F8: variants seen among roughly 807,000 people sequenced by gnomAD.
The protein encoded by F8 is antihemophilic factor.
A neutral mutation model predicts 140.6 loss-of-function variants in F8; 12 were observed. The ratio of observed to expected loss-of-function variants is 0.09; its 90% CI spans 0.05 to 0.14. The LOEUF (loss-of-function observed/expected upper bound fraction) is 0.14, where lower values mean the gene tolerates loss of function less well. Ranked by LOEUF, F8 falls within the 10% of genes least tolerant of loss-of-function variation. The pLI, the probability that F8 is intolerant of heterozygous loss-of-function variation, is 1.00. For synonymous variants in F8, 585 were observed against 614.6 expected (o/e 0.95, Z 0.71); for missense variants, 1,354 against 1,720.7 (o/e 0.79, Z 3.77).
At chrX:154,985,398 T>A (rs782760970) in intron 5 of F8, among the ~76,000 whole-genome samples, 2 of 110,013 alleles carry the variant, frequency 1.8e-5, no homozygotes, top group Non-Finnish European at 3.8e-5. Flanking sequence ...ATTGTGCCAC[T>A]GCACTCCAAC....
chrX:154,940,018 T>C (rs1336794933), intron 13 of F8, among the ~76,000 whole-genome samples: 1 of 110,912 alleles, frequency 9.0e-6, no homozygotes, highest in Non-Finnish European at 1.9e-5. Flanking sequence ...CATCTGTACG[T>C]CACCATCATC....
At chrX:154,916,819 C>T (rs1399871399) in intron 14 of F8, among the ~76,000 whole-genome samples, 1 of 108,980 alleles carries the variant, frequency 9.2e-6, no homozygotes, top group Admixed American at 9.8e-5. Context: ...TTATTATTTT[C>T]CTTCTACTAA....
chrX:154,957,446 A>C (rs1395718943), intron 10 of F8, among the ~76,000 whole-genome samples: 2 of 111,672 alleles, frequency 1.8e-5, no homozygotes, highest in Non-Finnish European at 3.8e-5. Context: ...GTAGTCTCTG[A>C]CTTCTGTGAG....
chrX:154,908,020 TTC>T (rs2073047089), intron 14 of F8, among the ~76,000 whole-genome samples: 1 of 111,912 alleles, frequency 8.9e-6, no homozygotes, highest in Non-Finnish European at 1.9e-5. Context: ...TTGATGTCAA[TTC>T]TCTTTCTTTC....
Position 154,947,851 on chromosome X carries a change from C to T in F8, c.1960G>A (p.Ala654Thr), listed in dbSNP as rs1557280436. Reference sequence around the variant, plus strand: ...CCAATGCTTAGAATGTACCAGTATGCCACCTCATGCAAACAAACTGACAAC... The same window carrying T: ...CCAATGCTTAGAATGTACCAGTATGTCACCTCATGCAAACAAACTGACAAC... The part of the protein sequence containing the change: ...LQLSVCLHEV[A>T]YWYILSIGAQ... Residue 654 changes from alanine (A) to threonine (T), a missense_variant, in exon 13 of 26, where the codon GCA becomes ACA. By Grantham distance (58) the Ala-to-Thr change is moderately conservative. This residue lies in a region of F8 where 252 missense variants were observed against 338.5 expected (regional missense o/e 0.74). Coordinates refer to ENST00000360256, the MANE Select transcript of F8 (RefSeq NM_000132.4). 3 of 1,210,685 alleles carry T rather than the reference C, an allele frequency of 2.5e-6. No homozygotes were observed. Among genetic ancestry groups the T allele is most frequent in the Non-Finnish European group, 3.4e-6 (3 of 894,752 alleles).
intron 11 of F8, among the ~76,000 whole-genome samples, chrX:154,955,317 ATTTTTTTTTTT>A (rs34537569): frequency 7.5e-5 from 5 of 66,890 alleles, no homozygotes; most frequent in East Asian, 4.1e-4. Context: ...TGCCCAGCTA[ATTTTTTTTTTT>A]TTTTTTTTTT....
chrX:154,982,309 A>C (rs782553252), intron 6 of F8, among the ~76,000 whole-genome samples: 8 of 103,821 alleles, frequency 7.7e-5, no homozygotes, highest in African/African-American at 1.1e-4. Context: ...TAGCCAGTCG[A>C]GGTGGCGGGC....
At chrX:155,003,463 T>C (rs1350412574) in intron 1 of F8, among the ~76,000 whole-genome samples, 7 of 106,372 alleles carry the variant, frequency 6.6e-5, no homozygotes, top group Non-Finnish European at 1.2e-4. Flanking sequence ...CGGCAGAGGC[T>C]ATGCATGGGC....
intron 21 of F8, among the ~76,000 whole-genome samples, chrX:154,898,548 A>G (rs2072994549): frequency 8.9e-6 from 1 of 112,299 alleles, no homozygotes; most frequent in Non-Finnish European, 1.9e-5. Flanking sequence ...ATTTTGGCTC[A>G]GTCACTTATT....
At chrX:154,981,766 T>C (rs2073523284) in intron 6 of F8, among the ~76,000 whole-genome samples, 1 of 112,150 alleles carries the variant, frequency 8.9e-6, no homozygotes, top group South Asian at 3.7e-4. Flanking sequence ...TATATGCAGT[T>C]TTTTTTCAAT....
At position 154,929,152 on chromosome X, in the gene F8, C is replaced by T. The variant is rs782391974; in HGVS notation, c.4638G>A (p.Gln1546=). Residue 1546 remains glutamine, a synonymous_variant, in exon 14 of 26, where the codon CAG becomes CAA. Coordinates refer to ENST00000360256, the MANE Select transcript of F8 (RefSeq NM_000132.4). ...HLDLVEGSLL[Q]GTEGAIKWNE... is the part of the protein sequence containing the mutation. ...TCCACTTAATCGCTCCCTCTGTTCC[C>T]TGAAGAAGGCTCCCTTCCACGAGAT... 1.4e-5 allele frequency: 17 copies of T among 1,209,922 alleles called. No homozygotes were observed. The highest frequency in any genetic ancestry group is 1.8e-5 in the Non-Finnish European group (16 of 895,208).
At chrX:154,944,355 C>A (rs1432684122) in intron 13 of F8, among the ~76,000 whole-genome samples, 9 of 110,187 alleles carry the variant, frequency 8.2e-5, no homozygotes, top group Non-Finnish European at 7.6e-5. Flanking sequence ...AAAAAGTGGG[C>A]GAAGGACATG....
chrX:154,902,822 C>T (rs1316576919), intron 18 of F8, among the ~76,000 whole-genome samples: 4 of 111,812 alleles, frequency 3.6e-5, no homozygotes, highest in Non-Finnish European at 7.5e-5. Flanking sequence ...CTATCTTATC[C>T]CCTTACCTTT....
At chrX:154,965,729 G>C in intron 9 of F8, 1 of 380,489 alleles carries the variant, frequency 2.6e-6, no homozygotes, top group Admixed American at 4.5e-5. Context: ...GATCTGGAAG[G>C]ATATGTATCA....
intron 13 of F8, among the ~76,000 whole-genome samples, chrX:154,932,979 C>G (rs782453409): frequency 9.0e-6 from 1 of 111,495 alleles, no homozygotes; most frequent in African/African-American, 3.3e-5. Flanking sequence ...TCTCGTCAAA[C>G]TAGTTACCAA....
chrX:154,848,218 G>T (rs2072585539), intron 25 of F8, among the ~76,000 whole-genome samples: 1 of 112,951 alleles, frequency 8.9e-6, no homozygotes, highest in Non-Finnish European at 1.9e-5. Flanking sequence ...CTCCCAGTTA[G>T]GCTACTCGGG....
At chrX:154,982,460 A>ATAT (rs1271857672) in intron 6 of F8, among the ~76,000 whole-genome samples, 6 of 95,163 alleles carry the variant, frequency 6.3e-5, no homozygotes, top group African/African-American at 2.4e-4. Flanking sequence ...AAAAAAAAAA[A>ATAT]AAAAATATAT....
intron 14 of F8, chrX:154,919,693 C>A: frequency 2.3e-6 from 1 of 427,507 alleles, no homozygotes. Context: ...AACAGCTGCT[C>A]CTGTGTTGCC....
intron 1 of F8, among the ~76,000 whole-genome samples, chrX:155,007,335 A>T (rs1461891673): frequency 8.9e-6 from 1 of 112,758 alleles, no homozygotes; most frequent in Non-Finnish European, 1.9e-5. Context: ...ACATGAGCTA[A>T]GTGGCTACAG....
Sources: gnomAD v4.1 joint callset for allele counts (sites outside exome capture counted in the v4.1 genomes callset) on GRCh38, gnomAD v4.1.1 for gene constraint, gnomAD v4.1.1 regional missense constraint, MANE v1.5 for transcripts, NCBI Gene and HGNC (gene_info 2026-07-23, HGNC 2026-07-21) for gene names.